Variants in AFAP1 observed in about 807,000 individuals in gnomAD.
AFAP1 encodes actin filament associated protein 1.
A neutral mutation model predicts 93.9 loss-of-function variants in AFAP1; 75 were observed. The ratio of observed to expected loss-of-function variants is 0.80; its 90% CI spans 0.66 to 0.97. The LOEUF (loss-of-function observed/expected upper bound fraction) is 0.97, where lower values mean the gene tolerates loss of function less well. Among genes scored for constraint, AFAP1 ranks in the 50% least tolerant of loss-of-function variants. The pLI, the probability that AFAP1 is intolerant of heterozygous loss-of-function variation, is 0.00. For synonymous variants in AFAP1, 517 were observed against 430.7 expected, an observed-to-expected ratio of 1.20 and a Z score of -2.48; for missense variants, 1,201 against 1,050.8, an observed-to-expected ratio of 1.14 and a Z score of -1.98.
chr4:7,774,342 C>T lies in AFAP1; in HGVS notation c.2062+397G>A, dbSNP rs187299613. On this transcript the variant is annotated intron_variant, in intron 15 of 17. Transcript: ENST00000420658. ...GTCTGGACTTCTGAATATTACTGAC[C>T]CCTGTGGGCTACCCTCTGTAGAGAA... 1.6e-4 allele frequency: 30 copies of T among 186,702 alleles called. No individual in the cohort carries two copies. In the East Asian group the frequency reaches 3.5e-3, roughly 22 times the overall value. 11.6% of individuals were successfully genotyped at this position (186,702 alleles called of 1,614,324 possible).
intron 7 of AFAP1, among the ~76,000 whole-genome samples, chr4:7,817,862 T>C (rs1401047760): frequency 6.6e-6 from 1 of 151,602 alleles, no homozygotes. Context: ...AATATATCAG[T>C]AGTGTTAAGA....
chr4:7,842,061 G>C (rs552149116), intron 5 of AFAP1, among the ~76,000 whole-genome samples: 7 of 152,126 alleles, frequency 4.6e-5, no homozygotes, highest in Admixed American at 1.3e-4. Context: ...ACATCTTGTA[G>C]CCATTATATC....
intron 17 of AFAP1, among the ~76,000 whole-genome samples, chr4:7,765,974 C>G (rs1215067725): frequency 6.6e-6 from 1 of 152,224 alleles, no homozygotes; most frequent in Non-Finnish European, 1.5e-5. Context: ...AGACGCCTGA[C>G]TCCCACTATT....
intron 5 of AFAP1, among the ~76,000 whole-genome samples, chr4:7,842,050 C>A (rs1040533278): frequency 6.6e-6 from 1 of 151,996 alleles, no homozygotes; most frequent in Non-Finnish European, 1.5e-5. Flanking sequence ...ATAATATATC[C>A]ACATCTTGTA....
rs531777547 is a variant in AFAP1, at chr4:7,768,291, G to A, written c.2418+553C>T. 5.2e-4 allele frequency among the ~76,000 whole-genome samples: 79 copies of A among 152,350 alleles called. No homozygotes were observed. The South Asian group carries it at 0.016, about 31-fold the overall frequency. ...CTACTGTGTTTTAAAGATTTCTGAG[G>A]TTTCAAAGGTTAGCATCAAAACTTG... On this transcript the variant is annotated intron_variant, in intron 17 of 17. Transcript: ENST00000420658.
intron 1 of AFAP1, among the ~76,000 whole-genome samples, chr4:7,886,249 C>A (rs1279654939): frequency 6.6e-6 from 1 of 152,164 alleles, no homozygotes; most frequent in Non-Finnish European, 1.5e-5. Flanking sequence ...CAGTTATGTG[C>A]CTACCAAGGC....
chr4:7,829,849 G>C (rs1721737907), intron 6 of AFAP1, among the ~76,000 whole-genome samples: 2 of 152,178 alleles, frequency 1.3e-5, no homozygotes, highest in Admixed American at 6.6e-5. Flanking sequence ...AACCTTCATG[G>C]AAGTGATTAC....
At position 7,882,810 on chromosome 4, in the gene AFAP1, GAT is replaced by G. The variant is rs200685094; in HGVS notation, c.-2-10732_-2-10731del. Reference sequence around the variant, plus strand: ...GGAGGCGGAGGCTGCAGTGAGCCGAGATAGAGCCACTGCACTCCAGCCTGGTG... The same window carrying G: ...GGAGGCGGAGGCTGCAGTGAGCCGAGAGAGCCACTGCACTCCAGCCTGGTG... On this transcript the variant is annotated intron_variant, in intron 1 of 17. Transcript: ENST00000420658. Among the ~76,000 whole-genome samples the G allele has an allele frequency of 4.1e-4, 63 of 152,172 alleles. No individual in the cohort carries two copies. The East Asian group carries it at 0.011, about 26-fold the overall frequency.
rs2148921672 is a variant in AFAP1, at chr4:7,759,152, G to A, written c.*4613C>T. On this transcript the variant is annotated 3_prime_UTR_variant, in exon 18 of 18. Transcript: ENST00000420658. ...ATCACTTAAAAGTTGATGTTAAAAT[G>A]TAAAGTGAATATTTCCTTTCTTGTT... The A allele has an allele frequency of 6.6e-6, 1 of 152,666 alleles. No individual in the cohort carries two copies. Among genetic ancestry groups the A allele is most frequent in the East Asian group, 1.9e-4 (1 of 5,204 alleles). 9.5% of individuals were successfully genotyped at this position (152,666 alleles called of 1,614,324 possible).
intron 17 of AFAP1, among the ~76,000 whole-genome samples, chr4:7,766,350 C>T (rs563426963): frequency 6.6e-6 from 1 of 152,302 alleles, no homozygotes; most frequent in South Asian, 2.1e-4. Flanking sequence ...ACAGGTCCCC[C>T]ATTTCCTCCC....
rs35550085 is a variant in AFAP1 at position 7,795,405 on chromosome 4, CTTTTTTTTTTTTTTTTTT to C, written c.1267-1597_1267-1580del. ...TCTTATGTCCTTCCTAAAACAAAATCTTTTTTTTTTTTTTTTTTTTTTTTTTTTTTTTTTTTTTGAGAC... is the reference window on the plus strand; with the variant it reads ...TCTTATGTCCTTCCTAAAACAAAATCTTTTTTTTTTTTTTTTTTTTGAGAC... On this transcript the variant is annotated intron_variant, in intron 10 of 17. Transcript: ENST00000420658. Among the ~76,000 whole-genome samples, 116 of 62,098 alleles carry C rather than the reference CTTTTTTTTTTTTTTTTTT, an allele frequency of 1.9e-3. 3 individuals carry two copies. Among genetic ancestry groups the C allele is most frequent in the Middle Eastern group, 0.014 (1 of 70 alleles). 40.7% of individuals were successfully genotyped at this position (62,098 alleles called of 152,430 possible). A position where few individuals can be genotyped will look rare whatever the true frequency, so the allele number is the denominator to read the frequency against.
chr4:7,798,113 T>C (rs1430354715), intron 10 of AFAP1, among the ~76,000 whole-genome samples: 5 of 112,774 alleles, frequency 4.4e-5, no homozygotes, highest in Non-Finnish European at 7.9e-5. Context: ...GCAACTCTAT[T>C]GGCTGGCTCA....
At chr4:7,833,589 C>CT (rs33990733) in intron 6 of AFAP1, among the ~76,000 whole-genome samples, 31,198 of 131,774 alleles carry the variant, frequency 0.24, 4,101 homozygotes, top group East Asian at 0.49. Flanking sequence ...GTGGAGATGT[C>CT]TTTTTTTTTT....
chr4:7,899,320 A>G (rs1395097946), intron 1 of AFAP1, among the ~76,000 whole-genome samples: 1 of 152,200 alleles, frequency 6.6e-6, no homozygotes, highest in Non-Finnish European at 1.5e-5. Context: ...CCTGGAGCCT[A>G]GCAAGTTCCT....
chr4:7,765,614 C>T (rs1441025357), intron 17 of AFAP1, among the ~76,000 whole-genome samples: 1 of 152,186 alleles, frequency 6.6e-6, no homozygotes, highest in Non-Finnish European at 1.5e-5. Flanking sequence ...TGGGGTTTGG[C>T]CATGGGATTG....
rs746145807 is a variant in AFAP1 at position 7,933,150 on chromosome 4, G to A, written c.-3+6506C>T. Among the ~76,000 whole-genome samples, 8 of 151,684 alleles carry A rather than the reference G, an allele frequency of 5.3e-5. No homozygotes were observed. In the East Asian group the frequency reaches 7.7e-4, roughly 15 times the overall value. On this transcript the variant is annotated intron_variant, in intron 1 of 17. Coordinates refer to ENST00000420658, the MANE Select transcript of AFAP1 (RefSeq NM_001134647.2). ...TGCTGTAGTAAGTGGATTGGTAACC[G>A]CGGTGGGAGATTCTAACCCCCGAGA...
chr4:7,903,075 T>A (rs1456732321), intron 1 of AFAP1, among the ~76,000 whole-genome samples: 2 of 152,232 alleles, frequency 1.3e-5, no homozygotes, highest in Non-Finnish European at 2.9e-5. Context: ...CACAACAATG[T>A]GTGTAATCTC....
At chr4:7,821,653 G>C (rs1321942752) in intron 6 of AFAP1, among the ~76,000 whole-genome samples, 4 of 152,174 alleles carry the variant, frequency 2.6e-5, no homozygotes, top group African/African-American at 9.7e-5. Context: ...TTAGGACTAA[G>C]CTGCAATTTC....
rs149027684 is a variant in AFAP1, at chr4:7,836,810, C to G, written c.726+1714G>C. Among the ~76,000 whole-genome samples, 1,383 of 151,110 alleles carry G rather than the reference C, an allele frequency of 9.2e-3. 17 individuals are homozygous for G. Among genetic ancestry groups the G allele is most frequent in the African/African-American group, 0.023 (963 of 41,278 alleles). ...CTAGACTATGGTGATGGCTGCACAA[C>G]TCAGTGAATATACCAAAAAAAAAAA... On this transcript the variant is annotated intron_variant, in intron 6 of 17. Transcript: ENST00000420658.
Sources: allele counts gnomAD v4.1 joint callset (sites outside exome capture counted in the v4.1 genomes callset), GRCh38; gene constraint gnomAD v4.1.1; transcripts MANE v1.5; gene names NCBI Gene and HGNC (gene_info 2026-07-23, HGNC 2026-07-21).